The following WAC variants were observed in gnomAD, a reference collection of about 807,000 sequenced individuals.
The protein encoded by WAC is WW domain-containing adapter protein with coiled-coil.
In WAC, 11 loss-of-function variants were observed where a neutral mutation model predicts 79.6. That is an observed-to-expected ratio of 0.14 (90% CI 0.09 to 0.23). The LOEUF (loss-of-function observed/expected upper bound fraction) is 0.23, where lower values mean the gene tolerates loss of function less well. Among genes scored for constraint, WAC ranks in the 10% least tolerant of loss-of-function variants. The probability of loss-of-function intolerance (pLI) is 1.00; values close to 1 mark genes in which losing one functional copy is unlikely to be tolerated. For synonymous variants in WAC, 304 were observed against 276.9 expected (o/e 1.10, Z -0.97); for missense variants, 728 against 773.5 (o/e 0.94, Z 0.70).
intron 7 of WAC, among the ~76,000 whole-genome samples, chr10:28,600,928 A>G (rs1412357707): frequency 2.6e-5 from 4 of 152,254 alleles, no homozygotes; most frequent in South Asian, 4.1e-4. Context: ...CTGTTGCACC[A>G]TATACAAAAA....
chr10:28,542,464 AG>A (rs1056114653), intron 3 of WAC, among the ~76,000 whole-genome samples: 3 of 152,254 alleles, frequency 2.0e-5, no homozygotes. Flanking sequence ...TTAAAAAGAT[AG>A]GAACCTAATA....
In WAC at chr10:28,573,670, A is replaced by G. The variant is rs930265569; in HGVS notation, c.275-9729A>G. 1.8e-4 allele frequency among the ~76,000 whole-genome samples: 27 copies of G among 152,216 alleles called. 1 individual carries two copies. The highest frequency in any genetic ancestry group is 1.4e-3 in the Admixed American group (22 of 15,288). On this transcript the variant is annotated intron_variant, in intron 3 of 13. Coordinates refer to ENST00000354911, the MANE Select transcript of WAC (RefSeq NM_016628.5). The stretch of plus-strand genomic sequence containing the variant: ...TCTAAGCTAGACAAATTAAAGTCAC[A>G]TGTATAGTAGATTGCTTTTTTTGGT...
intron 3 of WAC, among the ~76,000 whole-genome samples, chr10:28,572,812 A>T (rs545523446): frequency 1.3e-5 from 2 of 152,218 alleles, no homozygotes; most frequent in Admixed American, 1.3e-4. Context: ...ACTCAGTCTC[A>T]GCAACAACAA....
intron 3 of WAC, among the ~76,000 whole-genome samples, chr10:28,583,082 C>T (rs1839622611): frequency 6.6e-6 from 1 of 151,888 alleles, no homozygotes; most frequent in Non-Finnish European, 1.5e-5. Flanking sequence ...TATTTTTGTC[C>T]AGTAAAACTT....
intron 7 of WAC, among the ~76,000 whole-genome samples, chr10:28,605,059 G>A (rs1209708568): frequency 6.6e-6 from 1 of 152,200 alleles, no homozygotes. Context: ...ACGTTTGTAT[G>A]TGTGTCTTTG....
intron 3 of WAC, among the ~76,000 whole-genome samples, chr10:28,554,225 A>T (rs1837859198): frequency 6.6e-6 from 1 of 152,156 alleles, no homozygotes; most frequent in African/African-American, 2.4e-5. Context: ...ATACTACACT[A>T]CTTCATATAA....
intron 3 of WAC, among the ~76,000 whole-genome samples, chr10:28,570,818 A>G (rs920948581): frequency 6.6e-6 from 1 of 152,142 alleles, no homozygotes; most frequent in Non-Finnish European, 1.5e-5. Flanking sequence ...ATGAATTAAC[A>G]CCTGAAGGAT....
chr10:28,534,975 G>T (rs999635874), intron 2 of WAC, among the ~76,000 whole-genome samples: 12 of 152,148 alleles, frequency 7.9e-5, no homozygotes, highest in African/African-American at 2.7e-4. Context: ...AGCGCATTAT[G>T]CTTAGTTAGA....
chr10:28,605,291 G>A (rs1840885072), intron 7 of WAC, among the ~76,000 whole-genome samples: 1 of 152,204 alleles, frequency 6.6e-6, no homozygotes, highest in African/African-American at 2.4e-5. Flanking sequence ...ACAGCAAGTA[G>A]TGCCAGAATC....
chr10:28,586,884 G>A (rs1405632812), intron 4 of WAC, among the ~76,000 whole-genome samples: 5 of 152,158 alleles, frequency 3.3e-5, no homozygotes, highest in Non-Finnish European at 5.9e-5. Flanking sequence ...GCTGGGATGT[G>A]CTTAAGTTCA....
chr10:28,536,508 A>T (rs916089967), intron 3 of WAC, among the ~76,000 whole-genome samples: 1 of 152,210 alleles, frequency 6.6e-6, no homozygotes, highest in African/African-American at 2.4e-5. Flanking sequence ...TAGTTCCCAG[A>T]TTTAAAAAAT....
At chr10:28,579,215 G>A (rs971086465) in intron 3 of WAC, among the ~76,000 whole-genome samples, 2 of 147,230 alleles carry the variant, frequency 1.4e-5, no homozygotes, top group Non-Finnish European at 3.0e-5. Context: ...GCTTTTCCTT[G>A]GTAATATACA....
intron 4 of WAC, among the ~76,000 whole-genome samples, chr10:28,584,822 T>C (rs1217393344): frequency 6.6e-6 from 1 of 152,216 alleles, no homozygotes; most frequent in African/African-American, 2.4e-5. Flanking sequence ...CCAGGCACGG[T>C]GGCTCGCTCC....
intron 3 of WAC, among the ~76,000 whole-genome samples, chr10:28,570,711 T>C (rs908251717): frequency 6.6e-6 from 1 of 152,078 alleles, no homozygotes; most frequent in Non-Finnish European, 1.5e-5. Context: ...ATATAAAATA[T>C]ATAAAAGGAT....
intron 13 of WAC, among the ~76,000 whole-genome samples, chr10:28,618,418 G>T (rs1024135082): frequency 4.6e-5 from 7 of 152,168 alleles, no homozygotes; most frequent in Admixed American, 2.6e-4. Context: ...ATACCAAATG[G>T]AGTTTATAGT....
rs543797238 is a variant in WAC, at chr10:28,616,059, T to C, written c.1557-114T>C. The C allele has an allele frequency of 4.5e-4, 373 of 832,938 alleles. 1 individual carries two copies. Among genetic ancestry groups the C allele is most frequent in the Middle Eastern group, 1.0e-3 (3 of 2,994 alleles). 51.6% of individuals were successfully genotyped at this position (832,938 alleles called of 1,614,324 possible). ...ATTTGACATTAAAATAACAAATTTT[T>C]CTTAGGAATTTGGATATCTTTAAGT... On this transcript the variant is annotated intron_variant, in intron 11 of 13. Coordinates refer to ENST00000354911, the MANE Select transcript of WAC (RefSeq NM_016628.5).
At chr10:28,579,809 C>T (rs1323312190) in intron 3 of WAC, among the ~76,000 whole-genome samples, 7 of 152,068 alleles carry the variant, frequency 4.6e-5, no homozygotes, top group Non-Finnish European at 5.9e-5. Context: ...AGCTTTTATT[C>T]TGAGACATTT....
At chr10:28,567,885 G>T (rs1478845027) in intron 3 of WAC, among the ~76,000 whole-genome samples, 1 of 151,998 alleles carries the variant, frequency 6.6e-6, no homozygotes, top group Non-Finnish European at 1.5e-5. Context: ...CTCCCAAGTA[G>T]CTGAGACTAA....
chr10:28,571,872 A>G (rs994051535), intron 3 of WAC, among the ~76,000 whole-genome samples: 3 of 152,244 alleles, frequency 2.0e-5, no homozygotes, highest in Non-Finnish European at 4.4e-5. Flanking sequence ...TTTTTTAGCT[A>G]TATTACTTGC....
Sources: allele counts gnomAD v4.1 joint callset (sites outside exome capture counted in the v4.1 genomes callset), GRCh38; gene constraint gnomAD v4.1.1; transcripts MANE v1.5; gene names NCBI Gene and HGNC (gene_info 2026-07-23, HGNC 2026-07-21).